The following ZMYM2 variants were observed in gnomAD, a reference collection of about 807,000 sequenced individuals.
The protein encoded by ZMYM2 is zinc finger MYM-type protein 2.
A neutral mutation model predicts 162.8 loss-of-function variants in ZMYM2; 56 were observed. The ratio of observed to expected loss-of-function variants is 0.34; its 90% confidence interval spans 0.28 to 0.43. The LOEUF is 0.43. Ranked by LOEUF, ZMYM2 falls within the 20% of genes least tolerant of loss-of-function variation. The probability of loss-of-function intolerance (pLI) is 1.00; values close to 1 mark genes in which losing one functional copy is unlikely to be tolerated. For synonymous variants in ZMYM2, 510 were observed against 541.6 expected (o/e 0.94, Z 0.81); for missense variants, 1,275 against 1,621.8 (o/e 0.79, Z 3.67).
chr13:19,928,612 C>A, the ZMYM2 span, among the ~76,000 whole-genome samples: 1 of 151,996 alleles, frequency 6.6e-6, no homozygotes, highest in African/African-American at 2.4e-5. Flanking sequence ...GCCTGGCCAA[C>A]GTGGCAAAAC....
chr13:19,911,769 G>T, the ZMYM2 span, among the ~76,000 whole-genome samples: 8 of 152,216 alleles, frequency 5.3e-5, no homozygotes, highest in African/African-American at 1.9e-4. Context: ...CTGGCAGAAG[G>T]CCCACATTGG....
At chr13:19,976,326 CAA>C (rs1180338588) in intron 2 of ZMYM2, among the ~76,000 whole-genome samples, 18 of 103,364 alleles carry the variant, frequency 1.7e-4, no homozygotes, top group Admixed American at 3.3e-4. Flanking sequence ...GACTGCACCT[CAA>C]AAAAAAAAAA....
At chr13:19,883,749 G>GGT in the ZMYM2 span, among the ~76,000 whole-genome samples, 3 of 151,982 alleles carry the variant, frequency 2.0e-5, no homozygotes, top group Non-Finnish European at 4.4e-5. Context: ...ATATTCTCAT[G>GGT]GTATATATAT....
rs942223414 is a variant in ZMYM2 at position 20,045,817 on chromosome 13, T to G, written c.2293-5616T>G. ...ACAAATATCTGCCTAATTGTAAAATTATGAATATAAAATTTTAATATTGTA... is the reference window on the plus strand; with the variant it reads ...ACAAATATCTGCCTAATTGTAAAATGATGAATATAAAATTTTAATATTGTA... On this transcript the variant is annotated intron_variant, in intron 12 of 24. Coordinates refer to ENST00000610343, the MANE Select transcript of ZMYM2 (RefSeq NM_197968.4). Among the ~76,000 whole-genome samples the G allele has an allele frequency of 3.3e-5, 5 of 152,280 alleles. No individual in the cohort carries two copies. In the East Asian group the frequency reaches 9.6e-4, roughly 29 times the overall value.
the ZMYM2 span, among the ~76,000 whole-genome samples, chr13:19,897,257 C>T: frequency 2.6e-5 from 4 of 152,216 alleles, no homozygotes; most frequent in African/African-American, 9.6e-5. Flanking sequence ...GGCAATAGTA[C>T]GTCCTTCTCT....
At chr13:19,890,222 C>G in the ZMYM2 span, among the ~76,000 whole-genome samples, 2 of 151,924 alleles carry the variant, frequency 1.3e-5, no homozygotes, top group South Asian at 4.1e-4. Context: ...GGCTGGAATG[C>G]AGTGGTGTGA....
chr13:20,032,593 TTCTGTC>T (rs1340072734), intron 10 of ZMYM2, among the ~76,000 whole-genome samples: 2 of 147,866 alleles, frequency 1.4e-5, no homozygotes, highest in Non-Finnish European at 1.5e-5. Context: ...ATGATTTTTT[TTCTGTC>T]TTTTTTTTTT....
At chr13:20,038,845 C>T (rs1953976094) in intron 12 of ZMYM2, among the ~76,000 whole-genome samples, 1 of 150,670 alleles carries the variant, frequency 6.6e-6, no homozygotes, top group Non-Finnish European at 1.5e-5. Flanking sequence ...ATGGGAATAG[C>T]ATTGAATCTG....
At chr13:20,012,522 G>A (rs933285282) in intron 6 of ZMYM2, among the ~76,000 whole-genome samples, 1 of 152,076 alleles carries the variant, frequency 6.6e-6, no homozygotes, top group South Asian at 2.1e-4. Flanking sequence ...TCTTTTGGTC[G>A]TGCTTTCGGT....
chr13:19,884,191 G>C, the ZMYM2 span, among the ~76,000 whole-genome samples: 1 of 152,118 alleles, frequency 6.6e-6, no homozygotes, highest in Admixed American at 6.6e-5. Context: ...ACCATACCGA[G>C]ATCCCCAGCT....
the ZMYM2 span, among the ~76,000 whole-genome samples, chr13:19,893,257 G>A: frequency 2.0e-5 from 3 of 150,372 alleles, no homozygotes; most frequent in Non-Finnish European, 4.4e-5. Context: ...GAATTTGCCT[G>A]TTCTTGATAG....
At chr13:19,944,287 A>G in the ZMYM2 span, among the ~76,000 whole-genome samples, 1 of 152,230 alleles carries the variant, frequency 6.6e-6, no homozygotes, top group East Asian at 1.9e-4. Flanking sequence ...TAATGTGAAA[A>G]TAACCTCTTA....
At chr13:20,078,251 G>A (rs1175383918) in intron 21 of ZMYM2, among the ~76,000 whole-genome samples, 1 of 152,034 alleles carries the variant, frequency 6.6e-6, no homozygotes, top group Non-Finnish European at 1.5e-5. Flanking sequence ...ATTAATGGTG[G>A]ATTATTTTAT....
In ZMYM2 at chr13:19,993,488, T is replaced by C; in HGVS notation, c.416T>C (p.Ile139Thr). ...QGQEKNSSNF[I>T]ERRPPETKNR... The stretch of plus-strand genomic sequence containing the variant: ...CAAGAGAAAAATTCCTCCAATTTTA[T>C]TGAACGAAGACCTCCTGAGACTAAA... Residue 139 changes from isoleucine (I) to threonine (T), a missense_variant, in exon 3 of 25, where the codon ATT becomes ACT. Ile to Thr is a moderately conservative substitution (Grantham distance 89). Coordinates refer to ENST00000610343, the MANE Select transcript of ZMYM2 (RefSeq NM_197968.4). The C allele has an allele frequency of 6.2e-7, 1 of 1,614,170 alleles. No individual in the cohort carries two copies. Among genetic ancestry groups the C allele is most frequent in the Non-Finnish European group, 8.5e-7 (1 of 1,180,018 alleles).
chr13:19,872,816 T>C, the ZMYM2 span, among the ~76,000 whole-genome samples: 1 of 151,878 alleles, frequency 6.6e-6, no homozygotes, highest in Admixed American at 6.6e-5. Context: ...CTGGGTAATA[T>C]GACGAAACAC....
chr13:20,070,031 C>CT (rs766150766), intron 21 of ZMYM2, among the ~76,000 whole-genome samples: 26 of 151,992 alleles, frequency 1.7e-4, no homozygotes, highest in Non-Finnish European at 3.4e-4. Flanking sequence ...ATAATTTCTT[C>CT]AGCTGTAAGA....
the ZMYM2 span, among the ~76,000 whole-genome samples, chr13:19,881,423 A>G: frequency 6.6e-6 from 1 of 151,578 alleles, no homozygotes; most frequent in Non-Finnish European, 1.5e-5. Flanking sequence ...GGAGTTTGAG[A>G]ACAGCCTAGC....
chr13:19,996,072 C>CTG (rs112489110), intron 3 of ZMYM2, among the ~76,000 whole-genome samples: 25 of 152,024 alleles, frequency 1.6e-4, no homozygotes, highest in African/African-American at 2.2e-4. Flanking sequence ...CCCAATTCCT[C>CTG]TGTGTGTGTG....
the ZMYM2 span, among the ~76,000 whole-genome samples, chr13:19,872,268 TG>T: frequency 1.3e-3 from 191 of 152,164 alleles, no homozygotes; most frequent in Non-Finnish European, 2.3e-3. Context: ...GTGGACTCTA[TG>T]GCTAGGCACG....
Sources: allele counts gnomAD v4.1 joint callset (sites outside exome capture counted in the v4.1 genomes callset), GRCh38; gene constraint gnomAD v4.1.1; transcripts MANE v1.5; gene names NCBI Gene and HGNC (gene_info 2026-07-23, HGNC 2026-07-21).